The following FOXL1 variants were observed in gnomAD, a reference collection of about 807,000 sequenced individuals.
FOXL1 encodes forkhead box protein L1.
Under a neutral mutation model 1.7 loss-of-function variants are expected in FOXL1, and 2 were observed. The observed-to-expected ratio is 1.21, with a 90% CI of 0.49 to 3.80. The LOEUF is 3.80. FOXL1 is among the 30% of genes most tolerant of loss of function. FOXL1 has a pLI of 0.07. For synonymous variants in FOXL1, 280 were observed against 229.3 expected, an observed-to-expected ratio of 1.22 and a Z score of -2.00; for missense variants, 565 against 495.8, an observed-to-expected ratio of 1.14 and a Z score of -1.32.
In FOXL1 at chr16:86,581,435, C is replaced by T. The variant is rs1349414970; in HGVS notation, c.*1674C>T. The T allele has an allele frequency of 1.8e-5, 3 of 167,108 alleles. No homozygotes were observed. Among genetic ancestry groups the T allele is most frequent in the African/African-American group, 7.2e-5 (3 of 41,460 alleles). 10.4% of individuals were successfully genotyped at this position (167,108 alleles called of 1,614,324 possible). A position where few individuals can be genotyped will look rare whatever the true frequency, so the allele number is the denominator to read the frequency against. ...GCCGGCAGAGTAATTGGATAATTCACAGGCATAGAGGTGACTTTTGGAAAA... is the reference window on the plus strand; with the variant it reads ...GCCGGCAGAGTAATTGGATAATTCATAGGCATAGAGGTGACTTTTGGAAAA... On this transcript the variant is annotated 3_prime_UTR_variant, in exon 1 of 1. Coordinates refer to ENST00000320241, the MANE Select transcript of FOXL1 (RefSeq NM_005250.3).
rs1361078315 is a variant in FOXL1, at chr16:86,579,661, T to A, written c.938T>A (p.Met313Lys). 2.5e-6 allele frequency: 4 copies of A among 1,613,898 alleles called. No individual in the cohort carries two copies. The highest frequency in any genetic ancestry group is 3.4e-6 in the Non-Finnish European group (4 of 1,180,016). Reference protein sequence around the residue: ...SLRPPFNASLMLDPHVQGGFY... With the variant: ...SLRPPFNASLKLDPHVQGGFY... ...CGTCCGCCTTTCAACGCTTCCCTGATGCTCGACCCGCATGTCCAGGGCGGC... is the reference window on the plus strand; with the variant it reads ...CGTCCGCCTTTCAACGCTTCCCTGAAGCTCGACCCGCATGTCCAGGGCGGC... Residue 313 changes from methionine to lysine, a missense_variant, in exon 1 of 1, where the codon ATG (methionine) becomes AAG (lysine). Physicochemically the swap from Met to Lys is moderately conservative, Grantham distance 95. Coordinates refer to ENST00000320241, the MANE Select transcript of FOXL1 (RefSeq NM_005250.3).
Position 86,582,296 on chromosome 16 carries a change from C to T in FOXL1, c.*2535C>T, listed in dbSNP as rs1974423494. ...GGTCTTACCAATCCGAATAGCTGTT[C>T]TATTGATCCATATTTAATCGTTGGC... is the stretch of plus-strand genomic sequence containing the variant. On this transcript the variant is annotated 3_prime_UTR_variant, in exon 1 of 1. Transcript: ENST00000320241. The T allele has an allele frequency of 6.6e-6, 1 of 152,170 alleles. No individual in the cohort carries two copies. Among genetic ancestry groups the T allele is most frequent in the Non-Finnish European group, 1.5e-5 (1 of 68,024 alleles). The allele number at this position is 152,170 out of a possible 1,614,324, so 9.4% of individuals were successfully genotyped here. A position where few individuals can be genotyped will look rare whatever the true frequency, so the allele number is the denominator to read the frequency against.
In FOXL1 at chr16:86,580,993, G is replaced by A. The variant is rs7185593; in HGVS notation, c.*1232G>A. The A allele has an allele frequency of 0.11, 18,778 of 167,090 alleles. 1,055 individuals are homozygous for A. Among genetic ancestry groups the A allele is most frequent in the South Asian group, 0.16 (780 of 4,824 alleles). 10.4% of individuals were successfully genotyped at this position (167,090 alleles called of 1,614,324 possible). On this transcript the variant is annotated 3_prime_UTR_variant, in exon 1 of 1. Coordinates refer to ENST00000320241, the MANE Select transcript of FOXL1 (RefSeq NM_005250.3). ...GCCCCCGCACCCCCTGCAGCCGCCC[G>A]CTCTTCCCTCCCAGCCCTGCCAGGC...
In FOXL1 at chr16:86,579,834, G is replaced by C. The variant is rs928798404; in HGVS notation, c.*73G>C. 18 of 1,358,160 alleles carry C rather than the reference G, an allele frequency of 1.3e-5. No homozygotes were observed. Among genetic ancestry groups the C allele is most frequent in the East Asian group, 4.6e-5 (2 of 43,380 alleles). 84.1% of individuals were successfully genotyped at this position (1,358,160 alleles called of 1,614,324 possible). A position where few individuals can be genotyped will look rare whatever the true frequency, so the allele number is the denominator to read the frequency against. On this transcript the variant is annotated 3_prime_UTR_variant, in exon 1 of 1. Coordinates refer to ENST00000320241, the MANE Select transcript of FOXL1 (RefSeq NM_005250.3). Reference sequence around the variant, plus strand: ...TGAGCGAAAGGCCACAGCTCCCACCGGCGGAGGATTTTAAAATGATCTTTG... The same window carrying C: ...TGAGCGAAAGGCCACAGCTCCCACCCGCGGAGGATTTTAAAATGATCTTTG...
rs1214499910 is a variant in FOXL1 at position 86,579,349 on chromosome 16, CG to C, written c.630del (p.Thr211ProfsTer53). On this transcript the variant is annotated frameshift_variant, in exon 1 of 1. Transcript: ENST00000320241. LOFTEE classifies it low-confidence loss of function (END_TRUNC). ...GPSPPAPLHW[P>X]GTASPNEDAG... is the part of the protein sequence containing the mutation. ...TCTCCGCCGGCGCCCCTCCACTGGC[CG>C]GGGACCGCGTCCCCGAACGAGGACG... is the stretch of plus-strand genomic sequence containing the variant. 1 of 1,492,526 alleles carries C rather than the reference CG, an allele frequency of 6.7e-7. No individual in the cohort carries two copies. 92.5% of individuals were successfully genotyped at this position (1,492,526 alleles called of 1,614,324 possible).
At position 86,578,943 on chromosome 16, in the gene FOXL1, G is replaced by T. The variant is rs550762225; in HGVS notation, c.220G>T (p.Gly74Cys). 1 of 1,614,162 alleles carries T rather than the reference G, an allele frequency of 6.2e-7. No homozygotes were observed. Among genetic ancestry groups the T allele is most frequent in the South Asian group, 1.1e-5 (1 of 91,088 alleles). ...GCCCGAGCAGAGGGTCACGCTCAAC[G>T]GCATCTACCAGTTCATCATGGACCG... is the stretch of plus-strand genomic sequence containing the variant. ...DAPEQRVTLN[G>C]IYQFIMDRFP... The change falls in exon 1 of 1, where the codon GGC (glycine) becomes TGC (cysteine). Residue 74 changes from glycine (G) to cysteine (C), a missense_variant. Physicochemically the swap from Gly to Cys is radical, Grantham distance 159. Transcript: ENST00000320241.
At position 86,579,876 on chromosome 16, in the gene FOXL1, G is replaced by A; in HGVS notation, c.*115G>A. 2 of 1,080,118 alleles carry A rather than the reference G, an allele frequency of 1.9e-6. No individual in the cohort carries two copies. The highest frequency in any genetic ancestry group is 2.7e-6 in the Non-Finnish European group (2 of 745,594). 66.9% of individuals were successfully genotyped at this position (1,080,118 alleles called of 1,614,324 possible). ...TGATCTTTGCCTGGGTCGGCCTGTG[G>A]GTTCAGGGAAGTGTTACCAACCATT... On this transcript the variant is annotated 3_prime_UTR_variant, in exon 1 of 1. Coordinates refer to ENST00000320241, the MANE Select transcript of FOXL1 (RefSeq NM_005250.3).
Position 86,579,511 on chromosome 16 carries a change from TAGAC to T in FOXL1, c.791_794del (p.Asp264AlafsTer18). 2 of 1,598,382 alleles carry T rather than the reference TAGAC, an allele frequency of 1.3e-6. No individual in the cohort carries two copies. Among genetic ancestry groups the T allele is most frequent in the Non-Finnish European group, 1.7e-6 (2 of 1,172,802 alleles). On this transcript the variant is annotated frameshift_variant, in exon 1 of 1. Coordinates refer to ENST00000320241, the MANE Select transcript of FOXL1 (RefSeq NM_005250.3). LOFTEE classifies it low-confidence loss of function (END_TRUNC). ...TCCGACAAGTCCAAGAGCTTCAGCA[TAGAC>T]AGCATCCTGGCGGGAAAGCAGGGCC...
chr16:86,578,889 G>A lies in FOXL1; in HGVS notation c.166G>A (p.Ala56Thr). 1 of 1,614,130 alleles carries A rather than the reference G, an allele frequency of 6.2e-7. No individual in the cohort carries two copies. ...TPQKPPYSYI[A>T]LIAMAIQDAP... ...GCAGAAGCCTCCCTACAGCTACATC[G>A]CGCTCATCGCCATGGCGATCCAGGA... The change falls in exon 1 of 1, where the codon GCG becomes ACG. Residue 56 changes from alanine (A) to threonine (T), a missense_variant. Physicochemically the swap from Ala to Thr is moderately conservative, Grantham distance 58. Coordinates refer to ENST00000320241, the MANE Select transcript of FOXL1 (RefSeq NM_005250.3).
rs1169414779 is a variant in FOXL1, at chr16:86,579,931, C to T, written c.*170C>T. 1.2e-5 allele frequency: 8 copies of T among 672,934 alleles called. No homozygotes were observed. The Admixed American group carries it at 2.1e-4, about 17-fold the overall frequency. The allele number at this position is 672,934 out of a possible 1,614,324, so 41.7% of individuals were successfully genotyped here. The stretch of plus-strand genomic sequence containing the variant: ...GCAGGTGGGCGCGCTCGCCTGCCTT[C>T]TCCGAAGCAAACTTTTCCCAGCAAC... On this transcript the variant is annotated 3_prime_UTR_variant, in exon 1 of 1. Coordinates refer to ENST00000320241, the MANE Select transcript of FOXL1 (RefSeq NM_005250.3).
rs944022464 is a variant in FOXL1 at position 86,581,606 on chromosome 16, A to C, written c.*1845A>C. 1 of 167,136 alleles carries C rather than the reference A, an allele frequency of 6.0e-6. No individual in the cohort carries two copies. Among genetic ancestry groups the C allele is most frequent in the African/African-American group, 2.4e-5 (1 of 41,478 alleles). 10.4% of individuals were successfully genotyped at this position (167,136 alleles called of 1,614,324 possible). A position where few individuals can be genotyped will look rare whatever the true frequency, so the allele number is the denominator to read the frequency against. On this transcript the variant is annotated 3_prime_UTR_variant, in exon 1 of 1. Coordinates refer to ENST00000320241, the MANE Select transcript of FOXL1 (RefSeq NM_005250.3). ...CTGAGATCCAGGCTCACTGTGATTC[A>C]CTGAAAATGTAGCGAAAGGGCTGTC... is the stretch of plus-strand genomic sequence containing the variant.
Position 86,579,185 on chromosome 16 carries a change from C to A in FOXL1, c.462C>A (p.Ala154=). Residue 154 remains alanine (A), a synonymous_variant, in exon 1 of 1, where the codon GCC becomes GCA. Coordinates refer to ENST00000320241, the MANE Select transcript of FOXL1 (RefSeq NM_005250.3). ...AGCCGGGCCCCGGGGCCCCGGAGGC[C>A]AAGAGGCCCCGCGCCGAGACGCACC... ...KPKPGPGAPE[A]KRPRAETHQR... 1 of 1,600,880 alleles carries A rather than the reference C, an allele frequency of 6.2e-7. No individual in the cohort carries two copies.
rs928746097 is a variant in FOXL1 at position 86,580,004 on chromosome 16, C to G, written c.*243C>G. 1 of 576,366 alleles carries G rather than the reference C, an allele frequency of 1.7e-6. No homozygotes were observed. The highest frequency in any genetic ancestry group is 1.9e-5 in the African/African-American group (1 of 53,122). The allele number at this position is 576,366 out of a possible 1,614,324, so 35.7% of individuals were successfully genotyped here. A position where few individuals can be genotyped will look rare whatever the true frequency, so the allele number is the denominator to read the frequency against. On this transcript the variant is annotated 3_prime_UTR_variant, in exon 1 of 1. Coordinates refer to ENST00000320241, the MANE Select transcript of FOXL1 (RefSeq NM_005250.3). ...AAAGATCCCCGCGGGGTCGTGGGCA[C>G]CGCACGTGGGCCCTGCAGGGACCTC...
Position 86,579,343 on chromosome 16 carries a change from A to G in FOXL1, c.620A>G (p.His207Arg). The G allele has an allele frequency of 7.3e-7, 1 of 1,374,320 alleles. No individual in the cohort carries two copies. The highest frequency in any genetic ancestry group is 2.8e-4 in the Middle Eastern group (1 of 3,610). The allele number at this position is 1,374,320 out of a possible 1,614,324, so 85.1% of individuals were successfully genotyped here. ...GGCCCCTCTCCGCCGGCGCCCCTCC[A>G]CTGGCCGGGGACCGCGTCCCCGAAC... ...LDGPSPPAPL[H>R]WPGTASPNED... Residue 207 changes from histidine (H) to arginine (R), a missense_variant, in exon 1 of 1, where the codon CAC becomes CGC. Coordinates refer to ENST00000320241, the MANE Select transcript of FOXL1 (RefSeq NM_005250.3).
rs1974434662 is a variant in FOXL1, at chr16:86,583,318, T to G, written c.*3557T>G. 6.6e-6 allele frequency among the ~76,000 whole-genome samples: 1 copy of G among 150,744 alleles called. No homozygotes were observed. Among genetic ancestry groups the G allele is most frequent in the South Asian group, 2.1e-4 (1 of 4,726 alleles). ...TCCAGTAACCAGCTGCACCCAGGAG[T>G]GAGAAAATAAGGGGAGAGCCATGAT... On this transcript the variant is annotated 3_prime_UTR_variant, in exon 1 of 1. Coordinates refer to ENST00000320241, the MANE Select transcript of FOXL1 (RefSeq NM_005250.3).
Position 86,581,525 on chromosome 16 carries a change from A to T in FOXL1, c.*1764A>T, listed in dbSNP as rs1256744498. ...GGGTTCTACCCAGGCCAGTGGGAAG[A>T]CTCTGGGAAACTTCAGGCCAGCCTT... is the stretch of plus-strand genomic sequence containing the variant. On this transcript the variant is annotated 3_prime_UTR_variant, in exon 1 of 1. Transcript: ENST00000320241. 1.8e-5 allele frequency: 3 copies of T among 167,062 alleles called. No individual in the cohort carries two copies. The highest frequency in any genetic ancestry group is 7.2e-5 in the African/African-American group (3 of 41,436). The allele number at this position is 167,062 out of a possible 1,614,324, so 10.3% of individuals were successfully genotyped here.
rs201070716 is a variant in FOXL1 at position 86,579,072 on chromosome 16, C to A, written c.349C>A (p.Pro117Thr). The change falls in exon 1 of 1, where the codon CCG becomes ACG. Residue 117 changes from proline to threonine, a missense_variant. Transcript: ENST00000320241. ...FVKVPREKGR[P>T]GKGSYWTLDP... ...CAAGGTGCCCCGCGAGAAAGGGCGG[C>A]CGGGCAAGGGCAGCTACTGGACGCT... 1.2e-6 allele frequency: 2 copies of A among 1,614,128 alleles called. No individual in the cohort carries two copies. The highest frequency in any genetic ancestry group is 4.5e-5 in the East Asian group (2 of 44,862).
At position 86,579,919 on chromosome 16, in the gene FOXL1, C is replaced by T; in HGVS notation, c.*158C>T. The T allele has an allele frequency of 1.4e-6, 1 of 717,554 alleles. No homozygotes were observed. The highest frequency in any genetic ancestry group is 2.0e-5 in the South Asian group (1 of 51,280). 44.4% of individuals were successfully genotyped at this position (717,554 alleles called of 1,614,324 possible). ...CAACCATTGCGCGCAGGTGGGCGCG[C>T]TCGCCTGCCTTCTCCGAAGCAAACT... On this transcript the variant is annotated 3_prime_UTR_variant, in exon 1 of 1. Coordinates refer to ENST00000320241, the MANE Select transcript of FOXL1 (RefSeq NM_005250.3).
Position 86,582,889 on chromosome 16 carries a change from T to C in FOXL1, c.*3128T>C, listed in dbSNP as rs1209246847. Among the ~76,000 whole-genome samples the C allele has an allele frequency of 6.6e-6, 1 of 151,942 alleles. No homozygotes were observed. Among genetic ancestry groups the C allele is most frequent in the Non-Finnish European group, 1.5e-5 (1 of 68,002 alleles). On this transcript the variant is annotated 3_prime_UTR_variant, in exon 1 of 1. Transcript: ENST00000320241. Reference sequence around the variant, plus strand: ...GTATGAACCAGGGATAACTTTATTGTTCTGTGTTAGTATAGTGAAACTGAC... The same window carrying C: ...GTATGAACCAGGGATAACTTTATTGCTCTGTGTTAGTATAGTGAAACTGAC...
Sources: gnomAD v4.1 joint callset for allele counts (sites outside exome capture counted in the v4.1 genomes callset) on GRCh38, gnomAD v4.1.1 for gene constraint, MANE v1.5 for transcripts, NCBI Gene and HGNC (gene_info 2026-07-23, HGNC 2026-07-21) for gene names.